EPSTI1: variants seen among roughly 807,000 people sequenced by gnomAD.
EPSTI1 encodes the protein epithelial stromal interaction 1, also known as epithelial-stromal interaction protein 1.
In EPSTI1, 66 loss-of-function variants were observed where a neutral mutation model predicts 49.9. The ratio of observed to expected loss-of-function variants is 1.32; its 90% confidence interval spans 1.08 to 1.62. EPSTI1 has a LOEUF of 1.62. Ranked by LOEUF, EPSTI1 falls within the 40% of genes most tolerant of loss-of-function variation. The pLI is 0.00. For missense variants in EPSTI1, 394 were observed against 365.5 expected (o/e 1.08, Z -0.64); for synonymous variants, 137 against 130.7 (o/e 1.05, Z -0.33).
intron 7 of EPSTI1, among the ~76,000 whole-genome samples, chr13:42,924,566 C>T (rs1410666360): frequency 6.6e-6 from 1 of 152,152 alleles, no homozygotes; most frequent in East Asian, 1.9e-4. Flanking sequence ...GTAAAGCTAT[C>T]CAACTCCTGT....
chr13:42,892,970 C>G (rs2037081334), intron 10 of EPSTI1, among the ~76,000 whole-genome samples: 1 of 152,072 alleles, frequency 6.6e-6, no homozygotes, highest in African/African-American at 2.4e-5. Context: ...AGTGATTCAC[C>G]ATGACAAAGA....
At chr13:42,972,606 A>T (rs893536803) in intron 1 of EPSTI1, among the ~76,000 whole-genome samples, 4 of 152,224 alleles carry the variant, frequency 2.6e-5, no homozygotes, top group African/African-American at 9.6e-5. Context: ...CAATGTGCAA[A>T]GCATAAAATA....
intron 1 of EPSTI1, chr13:42,991,113 A>C (rs1319987243): frequency 1.3e-5 from 2 of 152,326 alleles, no homozygotes; most frequent in Non-Finnish European, 2.9e-5. Flanking sequence ...TCACTCTCTC[A>C]GCTCCACTCC....
intron 6 of EPSTI1, among the ~76,000 whole-genome samples, chr13:42,927,993 T>C (rs1481017134): frequency 6.6e-6 from 1 of 152,184 alleles, no homozygotes; most frequent in Non-Finnish European, 1.5e-5. Context: ...CAGACCAAGT[T>C]GACAGGCAGC....
chr13:42,969,068 T>C lies in EPSTI1; in HGVS notation c.331+26A>G, dbSNP rs748040389. The C allele has an allele frequency of 4.3e-6, 7 of 1,613,326 alleles. No homozygotes were observed. The highest frequency in any genetic ancestry group is 5.1e-6 in the Non-Finnish European group (6 of 1,179,602). ...CCATAGGTGGCCCCGCCCTCCCTCA[T>C]TCCGGCAGCGGCTGTGCTTGCTTAC... On this transcript the variant is annotated intron_variant, in intron 3 of 10. Transcript: ENST00000313624.
chr13:42,919,459 A>G (rs1255173825), intron 7 of EPSTI1: 62 of 832,196 alleles, frequency 7.5e-5, no homozygotes, highest in Middle Eastern at 5.3e-4. Flanking sequence ...ATACAATACC[A>G]ATGCTATATT....
chr13:42,935,624 T>C (rs576426132), intron 6 of EPSTI1, among the ~76,000 whole-genome samples: 2 of 152,286 alleles, frequency 1.3e-5, no homozygotes, highest in Admixed American at 1.3e-4. Flanking sequence ...AGAGTTTTGC[T>C]CTTGTTGCCC....
Position 42,992,116 on chromosome 13 carries a change from G to A in EPSTI1, c.50C>T (p.Ala17Val). ...VVNSGLGASPASRPTRDPQDP... is the reference protein window; with the variant it reads ...VVNSGLGASPVSRPTRDPQDP... ...CTGGGGATCCCGGGTCGGGCGGGAGGCAGGGGAGGCGCCGAGCCCGGAGTT... is the reference window on the plus strand; with the variant it reads ...CTGGGGATCCCGGGTCGGGCGGGAGACAGGGGAGGCGCCGAGCCCGGAGTT... Residue 17 changes from alanine (A) to valine (V), a missense_variant, in exon 1 of 11, where the codon GCC becomes GTC. Ala to Val is a moderately conservative substitution (Grantham distance 64). Coordinates refer to ENST00000313624, the MANE Select transcript of EPSTI1 (RefSeq NM_033255.5). 6.2e-7 allele frequency: 1 copy of A among 1,609,550 alleles called. No individual in the cohort carries two copies. Among genetic ancestry groups the A allele is most frequent in the African/African-American group, 1.3e-5 (1 of 74,922 alleles).
At chr13:42,897,350 C>T (rs563093920) in intron 9 of EPSTI1, among the ~76,000 whole-genome samples, 7 of 152,344 alleles carry the variant, frequency 4.6e-5, no homozygotes, top group African/African-American at 1.4e-4. Flanking sequence ...CAGTACACAT[C>T]ACCATCTGAA....
At chr13:42,986,440 G>A (rs2040079540) in intron 1 of EPSTI1, among the ~76,000 whole-genome samples, 1 of 152,038 alleles carries the variant, frequency 6.6e-6, no homozygotes, top group South Asian at 2.1e-4. Flanking sequence ...TATGCGATTG[G>A]GGGGTTAAAA....
chr13:42,929,748 T>A (rs1027194735), intron 6 of EPSTI1, among the ~76,000 whole-genome samples: 1 of 152,206 alleles, frequency 6.6e-6, no homozygotes, highest in African/African-American at 2.4e-5. Context: ...ATAAGTAATA[T>A]CTTAACAATA....
At chr13:42,912,937 G>A (rs1333716915) in intron 8 of EPSTI1, among the ~76,000 whole-genome samples, 1 of 151,758 alleles carries the variant, frequency 6.6e-6, no homozygotes, top group African/African-American at 2.4e-5. Flanking sequence ...GGAGAGCAAA[G>A]ACAATAAGGG....
intron 1 of EPSTI1, chr13:42,991,087 A>G (rs1222375847): frequency 6.6e-6 from 1 of 152,256 alleles, no homozygotes; most frequent in Non-Finnish European, 1.5e-5. Context: ...GAGAGGTACT[A>G]TGGTCACTCA....
At chr13:42,889,133 T>C (rs906700952) in intron 10 of EPSTI1, 2 of 1,176,258 alleles carry the variant, frequency 1.7e-6, no homozygotes, top group Admixed American at 4.7e-5. Flanking sequence ...GGATTTAGAG[T>C]TTCCACAGCA....
At chr13:42,893,602 C>A (rs932514323) in intron 10 of EPSTI1, among the ~76,000 whole-genome samples, 1 of 152,176 alleles carries the variant, frequency 6.6e-6, no homozygotes, top group African/African-American at 2.4e-5. Flanking sequence ...CTCACTAAGG[C>A]CTGCCAATAG....
chr13:42,889,139 CA>C, intron 10 of EPSTI1: 1 of 1,230,022 alleles, frequency 8.1e-7, no homozygotes, highest in Non-Finnish European at 1.2e-6. Flanking sequence ...AGAGTTTCCA[CA>C]GCATCCCAAA....
At chr13:42,934,595 T>C in intron 6 of EPSTI1, 1 of 151,328 alleles carries the variant, frequency 6.6e-6, no homozygotes. Context: ...GTTCCTGACC[T>C]TTCTAACAAT....
chr13:42,895,978 T>G (rs902306099), intron 9 of EPSTI1, among the ~76,000 whole-genome samples: 4 of 152,170 alleles, frequency 2.6e-5, no homozygotes, highest in African/African-American at 9.7e-5. Context: ...GTCATGAAGA[T>G]TAGCAGAATG....
intron 3 of EPSTI1, 21 bp downstream of exon 3, chr13:42,969,073 G>T (rs1163538448): frequency 1.2e-6 from 2 of 1,613,158 alleles, no homozygotes; most frequent in East Asian, 2.2e-5. Context: ...CCTCATTCCG[G>T]CAGCGGCTGT....
Sources: gnomAD v4.1 joint callset for allele counts (sites outside exome capture counted in the v4.1 genomes callset) on GRCh38, gnomAD v4.1.1 for gene constraint, MANE v1.5 for transcripts, NCBI Gene and HGNC (gene_info 2026-07-23, HGNC 2026-07-21) for gene names.